The following PLPP4 variants were observed in gnomAD, a reference collection of about 807,000 sequenced individuals.
PLPP4 encodes the protein diacylglycerol pyrophosphate like 2.
Under a neutral mutation model 32.2 loss-of-function variants are expected in PLPP4, and 20 were observed. The ratio of observed to expected loss-of-function variants is 0.62; its 90% CI spans 0.44 to 0.90. The LOEUF (loss-of-function observed/expected upper bound fraction) is 0.90, where lower values mean the gene tolerates loss of function less well. PLPP4 is among the 40% of genes least tolerant of loss of function. The probability of loss-of-function intolerance (pLI) is 0.00; values close to 1 mark genes in which losing one functional copy is unlikely to be tolerated. For missense variants in PLPP4, 257 were observed against 353.1 expected (o/e 0.73, Z 2.18); for synonymous variants, 127 against 133.0 (o/e 0.95, Z 0.31).
chr10:120,560,993 T>A (rs1848408140), intron 5 of PLPP4, among the ~76,000 whole-genome samples: 1 of 152,174 alleles, frequency 6.6e-6, no homozygotes. Flanking sequence ...CAACTGTATA[T>A]GTAATCAAAA....
chr10:120,497,356 C>A (rs1845017600), intron 1 of PLPP4, among the ~76,000 whole-genome samples: 1 of 152,064 alleles, frequency 6.6e-6, no homozygotes, highest in Non-Finnish European at 1.5e-5. Flanking sequence ...AGTGGATTAT[C>A]CCTGCATCTT....
At chr10:120,561,939 G>T (rs7088192) in intron 5 of PLPP4, among the ~76,000 whole-genome samples, 1 of 152,016 alleles carries the variant, frequency 6.6e-6, no homozygotes, top group Non-Finnish European at 1.5e-5. Flanking sequence ...GCTTTTCTTC[G>T]GAAGTGTCTT....
chr10:120,506,471 G>A (rs537119217), intron 2 of PLPP4, among the ~76,000 whole-genome samples: 1 of 152,172 alleles, frequency 6.6e-6, no homozygotes, highest in South Asian at 2.1e-4. Flanking sequence ...TGTATAAAAT[G>A]GCTTGATTTT....
chr10:120,524,973 A>C (rs1449786963), intron 5 of PLPP4, among the ~76,000 whole-genome samples: 3 of 152,232 alleles, frequency 2.0e-5, no homozygotes, highest in Non-Finnish European at 4.4e-5. Context: ...TGCTAAGTCG[A>C]GGTATTAAGA....
At chr10:120,522,634 G>A (rs1209355302) in intron 5 of PLPP4, among the ~76,000 whole-genome samples, 1 of 152,110 alleles carries the variant, frequency 6.6e-6, no homozygotes, top group Non-Finnish European at 1.5e-5. Context: ...TTGAGTAGTT[G>A]CCTCCAAACA....
intron 5 of PLPP4, among the ~76,000 whole-genome samples, chr10:120,522,269 G>A (rs1292513459): frequency 2.0e-5 from 3 of 152,046 alleles, no homozygotes; most frequent in African/African-American, 4.8e-5. Flanking sequence ...ATAACTGAAC[G>A]CTGTTTCCTG....
At chr10:120,540,414 C>T (rs4752430) in intron 5 of PLPP4, among the ~76,000 whole-genome samples, 7,207 of 152,320 alleles carry the variant, frequency 0.047, 259 homozygotes, top group Non-Finnish European at 0.07. Flanking sequence ...ATTTGTTCCA[C>T]ACATATTTAC....
intron 1 of PLPP4, among the ~76,000 whole-genome samples, chr10:120,484,206 A>G (rs1252845047): frequency 6.6e-6 from 1 of 152,232 alleles, no homozygotes; most frequent in Non-Finnish European, 1.5e-5. Flanking sequence ...ATAAACAATA[A>G]CAATATTAGC....
rs116049821 is a variant in PLPP4, at chr10:120,480,694, T to C, written c.57-23124T>C. Among the ~76,000 whole-genome samples, 764 of 152,296 alleles carry C rather than the reference T, an allele frequency of 5.0e-3. 7 individuals carry two copies. Among genetic ancestry groups the C allele is most frequent in the African/African-American group, 0.018 (731 of 41,568 alleles). ...TTTCCTAAATGTTTATTTTTAAAAG[T>C]AATTCTTCCTTCTATACTATTAACA... On this transcript the variant is annotated intron_variant, in intron 1 of 6. Coordinates refer to ENST00000398250, the MANE Select transcript of PLPP4 (RefSeq NM_001030059.3).
chr10:120,493,521 G>A (rs998293900), intron 1 of PLPP4, among the ~76,000 whole-genome samples: 15 of 152,280 alleles, frequency 9.9e-5, no homozygotes, highest in African/African-American at 2.9e-4. Flanking sequence ...TGCATTGGGA[G>A]CTTTGCTTTA....
chr10:120,513,812 C>G (rs1845825700), intron 2 of PLPP4, 99 bp from the exon 3 acceptor site: 2 of 900,968 alleles, frequency 2.2e-6, no homozygotes, highest in Admixed American at 3.9e-5. Context: ...GATTATTCAA[C>G]CAGGGAGTCT....
chr10:120,589,188 C>T (rs937003673), intron 6 of PLPP4, 115 bp from the exon 7 acceptor site: 6 of 966,050 alleles, frequency 6.2e-6, no homozygotes, highest in Non-Finnish European at 9.6e-6. Flanking sequence ...TTCAGGGGGT[C>T]CTGTAAGCAA....
chr10:120,589,590 A>C lies in PLPP4; in HGVS notation c.*88A>C, dbSNP rs1849929119. The C allele has an allele frequency of 2.9e-6, 3 of 1,020,038 alleles. No individual in the cohort carries two copies. Among genetic ancestry groups the C allele is most frequent in the East Asian group, 5.1e-5 (2 of 38,906 alleles). 63.2% of individuals were successfully genotyped at this position (1,020,038 alleles called of 1,614,324 possible). Reference sequence around the variant, plus strand: ...CAATAGAAATGGTTTTCTGTAGTGTATTTTTCATCAGTTGTTTCTCAAAGT... The same window carrying C: ...CAATAGAAATGGTTTTCTGTAGTGTCTTTTTCATCAGTTGTTTCTCAAAGT... On this transcript the variant is annotated 3_prime_UTR_variant, in exon 7 of 7. Coordinates refer to ENST00000398250, the MANE Select transcript of PLPP4 (RefSeq NM_001030059.3).
chr10:120,462,125 G>A (rs923262561), intron 1 of PLPP4, among the ~76,000 whole-genome samples: 1 of 152,064 alleles, frequency 6.6e-6, no homozygotes, highest in African/African-American at 2.4e-5. Context: ...AGGTGTACAG[G>A]TCCTAGGCCC....
intron 5 of PLPP4, among the ~76,000 whole-genome samples, chr10:120,541,125 A>T (rs1369357668): frequency 6.6e-6 from 1 of 152,240 alleles, no homozygotes; most frequent in Non-Finnish European, 1.5e-5. Flanking sequence ...TGTTCTACAT[A>T]AATAAATTGA....
At chr10:120,583,223 G>A in intron 6 of PLPP4, among the ~76,000 whole-genome samples, 1 of 151,700 alleles carries the variant, frequency 6.6e-6, no homozygotes, top group Non-Finnish European at 1.5e-5. Context: ...AAGCCTTTCT[G>A]CTTGTTTGTG....
At chr10:120,503,476 G>T in intron 1 of PLPP4, 1 of 1,477,970 alleles carries the variant, frequency 6.8e-7, no homozygotes, top group East Asian at 2.4e-5. Flanking sequence ...GTTTTCAAGA[G>T]ACCATGCTGC....
chr10:120,543,970 A>T (rs1402077223), intron 5 of PLPP4, among the ~76,000 whole-genome samples: 4 of 152,194 alleles, frequency 2.6e-5, no homozygotes, highest in Non-Finnish European at 4.4e-5. Context: ...ACTGAATATT[A>T]TTCCACTTTA....
chr10:120,582,760 TC>T (rs1849569082), intron 6 of PLPP4, among the ~76,000 whole-genome samples: 1 of 54,330 alleles, frequency 1.8e-5, no homozygotes, highest in African/African-American at 7.3e-5. Context: ...ATTCCCTCCC[TC>T]CCTCCCTCCC....
Sources: allele counts gnomAD v4.1 joint callset (sites outside exome capture counted in the v4.1 genomes callset), GRCh38; gene constraint gnomAD v4.1.1; transcripts MANE v1.5; gene names NCBI Gene and HGNC (gene_info 2026-07-23, HGNC 2026-07-21).